The following CPNE4 variants were observed in gnomAD, a reference collection of about 807,000 sequenced individuals.
The protein encoded by CPNE4 is copine-4.
CPNE4 carries 25 observed loss-of-function variants against 67.9 expected under a neutral mutation model. That is an observed-to-expected ratio of 0.37 (90% CI 0.27 to 0.51). CPNE4 has a LOEUF of 0.51. CPNE4 is among the 20% of genes least tolerant of loss of function. CPNE4 has a pLI of 0.93. For missense variants in CPNE4, 464 were observed against 690.8 expected, an observed-to-expected ratio of 0.67 and a Z score of 3.68; for synonymous variants, 242 against 244.9, an observed-to-expected ratio of 0.99 and a Z score of 0.11.
intron 2 of CPNE4, among the ~76,000 whole-genome samples, chr3:131,849,435 G>A (rs1303482171): frequency 3.3e-5 from 5 of 152,054 alleles, no homozygotes; most frequent in Non-Finnish European, 7.4e-5. Flanking sequence ...TGGCCAGACG[G>A]GAAGAATAGA....
chr3:131,971,371 C>A (rs779135513), intron 1 of CPNE4, among the ~76,000 whole-genome samples: 6 of 152,186 alleles, frequency 3.9e-5, no homozygotes, highest in Non-Finnish European at 7.3e-5. Context: ...ACAGAAGGAA[C>A]GGTAATTCCA....
intron 1 of CPNE4, among the ~76,000 whole-genome samples, chr3:132,001,038 G>A (rs1181938746): frequency 2.6e-5 from 4 of 152,074 alleles, no homozygotes; most frequent in South Asian, 2.1e-4. Context: ...TCAAGACCAT[G>A]TCAAAACAAA....
chr3:131,948,443 C>A (rs187479999), intron 1 of CPNE4, among the ~76,000 whole-genome samples: 1 of 152,146 alleles, frequency 6.6e-6, no homozygotes, highest in Non-Finnish European at 1.5e-5. Context: ...AACTGTGAGT[C>A]AATTAAAACT....
chr3:131,873,525 G>A (rs74771182), intron 2 of CPNE4, among the ~76,000 whole-genome samples: 291 of 152,272 alleles, frequency 1.9e-3, no homozygotes, highest in African/African-American at 6.7e-3. Flanking sequence ...ACCACTCTGA[G>A]GCATCTGGTG....
At chr3:131,941,180 T>A (rs1166306573) in intron 1 of CPNE4, among the ~76,000 whole-genome samples, 1 of 152,092 alleles carries the variant, frequency 6.6e-6, no homozygotes, top group African/African-American at 2.4e-5. Context: ...TGCAAGCTGG[T>A]TGTTAAATAC....
chr3:131,856,360 G>A (rs2086442315), intron 2 of CPNE4, among the ~76,000 whole-genome samples: 1 of 151,838 alleles, frequency 6.6e-6, no homozygotes, highest in Admixed American at 6.6e-5. Context: ...AGGATTACAT[G>A]TATGAGTCAT....
At chr3:131,931,232 C>T (rs552026078) in intron 1 of CPNE4, among the ~76,000 whole-genome samples, 203 of 152,238 alleles carry the variant, frequency 1.3e-3, no homozygotes, top group African/African-American at 3.1e-3. Context: ...AAACAAAATT[C>T]AACCTCAGCA....
chr3:131,878,211 A>G (rs889604503), intron 2 of CPNE4, among the ~76,000 whole-genome samples: 3 of 152,230 alleles, frequency 2.0e-5, no homozygotes, highest in Non-Finnish European at 4.4e-5. Flanking sequence ...CTAAACTGGA[A>G]GCAACCCCTA....
At chr3:131,568,310 G>A (rs1937164111) in intron 10 of CPNE4, among the ~76,000 whole-genome samples, 1 of 152,016 alleles carries the variant, frequency 6.6e-6, no homozygotes, top group Non-Finnish European at 1.5e-5. Context: ...GCTCTTTAAA[G>A]TTAGCATTAG....
chr3:131,965,983 C>A (rs2072332169), intron 1 of CPNE4, among the ~76,000 whole-genome samples: 1 of 152,170 alleles, frequency 6.6e-6, no homozygotes, highest in Non-Finnish European at 1.5e-5. Flanking sequence ...TAAAACACTC[C>A]TCAGCAAATG....
intron 2 of CPNE4, among the ~76,000 whole-genome samples, chr3:131,725,673 A>G (rs528449420): frequency 6.6e-5 from 10 of 152,344 alleles, no homozygotes; most frequent in African/African-American, 2.2e-4. Context: ...AGAGATCATA[A>G]ACTGGTAGTC....
At chr3:131,986,853 C>CA (rs1301527604) in intron 1 of CPNE4, among the ~76,000 whole-genome samples, 2 of 101,678 alleles carry the variant, frequency 2.0e-5, no homozygotes, top group Non-Finnish European at 3.9e-5. Context: ...CAAAAAAAAA[C>CA]AAAAACAAAC....
rs138091557 is a variant in CPNE4, at chr3:132,001,731, C to T, written c.-2+32836G>A. Among the ~76,000 whole-genome samples the T allele has an allele frequency of 3.0e-3, 461 of 152,228 alleles. 4 individuals carry two copies. Among genetic ancestry groups the T allele is most frequent in the African/African-American group, 0.01 (430 of 41,556 alleles). On this transcript the variant is annotated intron_variant, in intron 1 of 15. Coordinates refer to ENST00000429747, the MANE Select transcript of CPNE4 (RefSeq NM_130808.3). ...ATGAGGTGAATAAAAGATGGCCCTT[C>T]AGCCTTTCTCTTTCTATCCACCCCA... is the stretch of plus-strand genomic sequence containing the variant.
intron 1 of CPNE4, among the ~76,000 whole-genome samples, chr3:132,008,584 T>G (rs572368124): frequency 6.6e-6 from 1 of 152,094 alleles, no homozygotes; most frequent in African/African-American, 2.4e-5. Context: ...AAGAAAAGAG[T>G]ATATGTGCAC....
chr3:132,027,285 C>A (rs12489652), intron 1 of CPNE4, among the ~76,000 whole-genome samples: 37,306 of 152,036 alleles, frequency 0.25, 4,815 homozygotes, highest in East Asian at 0.38. Context: ...ACTAGGCCAC[C>A]AACGAGCTTG....
intron 1 of CPNE4, among the ~76,000 whole-genome samples, chr3:132,029,395 G>A (rs768811249): frequency 1.3e-5 from 2 of 152,176 alleles, no homozygotes; most frequent in Non-Finnish European, 2.9e-5. Context: ...ATATCTTGGG[G>A]TTGGGTCAAA....
chr3:131,708,170 CTGAT>C (rs1309125198), intron 3 of CPNE4, among the ~76,000 whole-genome samples: 1 of 152,024 alleles, frequency 6.6e-6, no homozygotes, highest in East Asian at 1.9e-4. Flanking sequence ...GCCTTCATGA[CTGAT>C]TGATGGGCTG....
rs1454021635 is a variant in CPNE4 at position 131,550,095 on chromosome 3, G to A, written c.1169-15C>T. The A allele has an allele frequency of 1.9e-6, 3 of 1,612,352 alleles. No individual in the cohort carries two copies. Among genetic ancestry groups the A allele is most frequent in the East Asian group, 4.5e-5 (2 of 44,824 alleles). ...TCCTTGAATTCCTGAGGTGAAATTG[G>A]CAAAGATCAACAGCTCCAGAGTCAC... is the stretch of plus-strand genomic sequence containing the variant. On this transcript the variant is annotated splice_polypyrimidine_tract_variant and intron_variant, in intron 13 of 15. Coordinates refer to ENST00000429747, the MANE Select transcript of CPNE4 (RefSeq NM_130808.3).
intron 3 of CPNE4, among the ~76,000 whole-genome samples, chr3:131,706,708 A>C (rs1462479112): frequency 6.6e-6 from 1 of 152,216 alleles, no homozygotes; most frequent in African/African-American, 2.4e-5. Context: ...AACATTTGCC[A>C]TCTTTTCTTT....
Sources: gnomAD v4.1 joint callset for allele counts (sites outside exome capture counted in the v4.1 genomes callset) on GRCh38, gnomAD v4.1.1 for gene constraint, MANE v1.5 for transcripts, NCBI Gene and HGNC (gene_info 2026-07-23, HGNC 2026-07-21) for gene names.